The following SKAP1 variants were observed in gnomAD, a reference collection of about 807,000 sequenced individuals.
The protein encoded by SKAP1 is src kinase-associated phosphoprotein 1.
Under a neutral mutation model 58.5 loss-of-function variants are expected in SKAP1, and 44 were observed. The ratio of observed to expected loss-of-function variants is 0.75; its 90% CI spans 0.59 to 0.97. SKAP1 has a LOEUF of 0.97. Among genes scored for constraint, SKAP1 ranks in the 50% least tolerant of loss-of-function variants. The pLI, the probability that SKAP1 is intolerant of heterozygous loss-of-function variation, is 0.00. For missense variants in SKAP1, 390 were observed against 435.2 expected, an observed-to-expected ratio of 0.90 and a Z score of 0.92; for synonymous variants, 127 against 149.7, an observed-to-expected ratio of 0.85 and a Z score of 1.11.
chr17:48,241,154 G>A (rs1482244345), intron 4 of SKAP1, among the ~76,000 whole-genome samples: 1 of 151,978 alleles, frequency 6.6e-6, no homozygotes, highest in Non-Finnish European at 1.5e-5. Context: ...AGGCTATAGT[G>A]TGAAAAGGTT....
upstream of SKAP1, among the ~76,000 whole-genome samples, chr17:48,434,416 G>C (rs1298065977): frequency 6.6e-6 from 1 of 152,206 alleles, no homozygotes; most frequent in Non-Finnish European, 1.5e-5. Flanking sequence ...CGGCTTGCCA[G>C]AAGCCTTGTT....
chr17:48,425,921 A>G (rs1165282279), intron 1 of SKAP1, among the ~76,000 whole-genome samples: 2 of 152,252 alleles, frequency 1.3e-5, no homozygotes, highest in African/African-American at 2.4e-5. Flanking sequence ...GATATTCACT[A>G]TAACAACTTT....
At chr17:48,301,652 G>C (rs925012640) in intron 4 of SKAP1, among the ~76,000 whole-genome samples, 3 of 151,972 alleles carry the variant, frequency 2.0e-5, no homozygotes, top group Non-Finnish European at 2.9e-5. Context: ...AATTTTTGCA[G>C]TTTTAATAGA....
the SKAP1 span, among the ~76,000 whole-genome samples, chr17:48,437,980 T>C: frequency 6.6e-6 from 1 of 152,080 alleles, no homozygotes; most frequent in Admixed American, 6.6e-5. Context: ...TATGTTGAAA[T>C]GGCTTCTAAC....
chr17:48,380,360 T>C (rs896456615), intron 2 of SKAP1: 1 of 152,232 alleles, frequency 6.6e-6, no homozygotes, highest in Non-Finnish European at 1.5e-5. Flanking sequence ...TACTGACAGT[T>C]CTTAAGCCCT....
intron 4 of SKAP1, among the ~76,000 whole-genome samples, chr17:48,198,603 A>G (rs1287257509): frequency 3.9e-5 from 6 of 152,196 alleles, no homozygotes; most frequent in African/African-American, 1.2e-4. Flanking sequence ...TATAGTGATG[A>G]AATGAATCTG....
At chr17:48,260,556 G>A (rs1309829360) in intron 4 of SKAP1, among the ~76,000 whole-genome samples, 1 of 152,042 alleles carries the variant, frequency 6.6e-6, no homozygotes, top group Non-Finnish European at 1.5e-5. Context: ...TTGTATTATC[G>A]GTTCAATTTA....
At chr17:48,220,725 T>G (rs1017932473) in intron 4 of SKAP1, among the ~76,000 whole-genome samples, 4 of 151,698 alleles carry the variant, frequency 2.6e-5, no homozygotes, top group Non-Finnish European at 2.9e-5. Flanking sequence ...TGGTTGCACA[T>G]GCCTGTAATC....
At chr17:48,346,086 T>TAAAA in intron 3 of SKAP1, 80 bp from the exon 4 acceptor site, 1 of 763,892 alleles carries the variant, frequency 1.3e-6, no homozygotes, top group Non-Finnish European at 2.1e-6. Context: ...AAAGGATCTA[T>TAAAA]GTATGATCTC....
chr17:48,168,516 G>T (rs768075359), intron 10 of SKAP1, among the ~76,000 whole-genome samples: 1 of 152,176 alleles, frequency 6.6e-6, no homozygotes, highest in African/African-American at 2.4e-5. Flanking sequence ...AATTAGCCAG[G>T]CGTGGTGGCA....
At chr17:48,385,670 G>A (rs867028200) in intron 2 of SKAP1, among the ~76,000 whole-genome samples, 3 of 152,166 alleles carry the variant, frequency 2.0e-5, no homozygotes, top group South Asian at 4.1e-4. Context: ...GCAGCAGGGA[G>A]CTTGAAGAAT....
chr17:48,207,298 G>A (rs1168441201), intron 4 of SKAP1, among the ~76,000 whole-genome samples: 1 of 151,884 alleles, frequency 6.6e-6, no homozygotes, highest in African/African-American at 2.4e-5. Flanking sequence ...AGGAGTTCTG[G>A]CCAACATGCA....
chr17:48,299,570 ATGTGTG>A (rs34889554), intron 4 of SKAP1, among the ~76,000 whole-genome samples: 1 of 151,310 alleles, frequency 6.6e-6, no homozygotes. Flanking sequence ...ATATATATGT[ATGTGTG>A]TGTGTGTGTG....
intron 10 of SKAP1, among the ~76,000 whole-genome samples, chr17:48,163,586 A>G (rs1356510020): frequency 6.6e-6 from 1 of 152,190 alleles, no homozygotes; most frequent in Non-Finnish European, 1.5e-5. Flanking sequence ...ATGAAATTCA[A>G]TAGATGGGAG....
chr17:48,138,936 T>G (rs2063735931), intron 11 of SKAP1, among the ~76,000 whole-genome samples: 1 of 151,992 alleles, frequency 6.6e-6, no homozygotes, highest in Admixed American at 6.5e-5. Context: ...TTGCCCAGGC[T>G]GGAATGCAGT....
chr17:48,280,961 C>A (rs2065758805), intron 4 of SKAP1, among the ~76,000 whole-genome samples: 1 of 152,168 alleles, frequency 6.6e-6, no homozygotes, highest in African/African-American at 2.4e-5. Flanking sequence ...ACACTCAAGG[C>A]AGAACCTGTA....
intron 10 of SKAP1, among the ~76,000 whole-genome samples, chr17:48,162,924 C>T (rs769906827): frequency 9.5e-4 from 144 of 152,320 alleles, no homozygotes; most frequent in Admixed American, 1.4e-3. Context: ...GGGCAACTAA[C>T]TATCTAGTTT....
intron 4 of SKAP1, among the ~76,000 whole-genome samples, chr17:48,329,848 G>A (rs1162888902): frequency 6.6e-6 from 1 of 152,090 alleles, no homozygotes; most frequent in Non-Finnish European, 1.5e-5. Context: ...GGAGGAACTT[G>A]GGCAGGTTAA....
At chr17:48,342,429 C>T (rs956093655) in intron 4 of SKAP1, among the ~76,000 whole-genome samples, 9 of 151,918 alleles carry the variant, frequency 5.9e-5, no homozygotes, top group African/African-American at 2.2e-4. Flanking sequence ...ATTCTTCTAG[C>T]ACTCTTTGTA....
Sources: allele counts gnomAD v4.1 joint callset (sites outside exome capture counted in the v4.1 genomes callset), GRCh38; gene constraint gnomAD v4.1.1; transcripts MANE v1.5; gene names NCBI Gene and HGNC (gene_info 2026-07-23, HGNC 2026-07-21).